The following PMFBP1 variants were observed in gnomAD, a reference collection of about 807,000 sequenced individuals.
The protein encoded by PMFBP1 is polyamine modulated factor 1 binding protein 1.
Under a neutral mutation model 137.8 loss-of-function variants are expected in PMFBP1, and 131 were observed. The observed-to-expected ratio is 0.95, with a 90% confidence interval of 0.82 to 1.10. The LOEUF (loss-of-function observed/expected upper bound fraction) is 1.10. Among genes scored for constraint, PMFBP1 ranks in the 50% least tolerant of loss-of-function variants. PMFBP1 has a pLI of 0.00. For synonymous variants in PMFBP1, 490 were observed against 450.4 expected, an observed-to-expected ratio of 1.09 and a Z score of -1.11; for missense variants, 1,199 against 1,175.4, an observed-to-expected ratio of 1.02 and a Z score of -0.29.
the PMFBP1 span, among the ~76,000 whole-genome samples, chr16:72,204,853 G>A: frequency 6.6e-6 from 1 of 152,182 alleles, no homozygotes. Context: ...CCCTAGCCAC[G>A]GGTGACTATT....
At chr16:72,139,527 T>C in intron 6 of PMFBP1, 128 bp from the exon 7 acceptor site, 1 of 749,916 alleles carries the variant, frequency 1.3e-6, no homozygotes, top group Non-Finnish European at 2.3e-6. Flanking sequence ...CATCAGGCAT[T>C]CCCTGTGGGG....
chr16:72,208,713 A>G, the PMFBP1 span, among the ~76,000 whole-genome samples: 1 of 152,236 alleles, frequency 6.6e-6, no homozygotes, highest in African/African-American at 2.4e-5. Flanking sequence ...ACATTGGTGC[A>G]GAAGAATGGA....
At chr16:72,164,568 C>T (rs1011797696) in intron 3 of PMFBP1, 196 bp downstream of exon 3, 2 of 1,282,430 alleles carry the variant, frequency 1.6e-6, no homozygotes, top group Admixed American at 4.0e-5. Flanking sequence ...ATGGAAAAGT[C>T]CTGAAGGCAG....
chr16:72,140,068 T>C (rs907072373), intron 6 of PMFBP1, among the ~76,000 whole-genome samples: 10 of 152,236 alleles, frequency 6.6e-5, no homozygotes, highest in African/African-American at 1.9e-4. Flanking sequence ...GCGCCTTCCA[T>C]GCAGCTCTTA....
chr16:72,125,509 G>A lies in PMFBP1; in HGVS notation c.2254-104C>T. ...CCAGTCCCTTCCTGTCCTCTGCCCA[G>A]GGTGACACGGACGGTCACCTTGCCT... On this transcript the variant is annotated intron_variant, in intron 15 of 20. Coordinates refer to ENST00000237353, the MANE Select transcript of PMFBP1 (RefSeq NM_031293.3). 3 of 1,306,526 alleles carry A rather than the reference G, an allele frequency of 2.3e-6. No homozygotes were observed. The South Asian group carries it at 4.4e-5, about 19-fold the overall frequency. 80.9% of individuals were successfully genotyped at this position (1,306,526 alleles called of 1,614,324 possible).
At chr16:72,249,116 G>C in the PMFBP1 span, among the ~76,000 whole-genome samples, 1 of 151,706 alleles carries the variant, frequency 6.6e-6, no homozygotes, top group Non-Finnish European at 1.5e-5. Context: ...AAGTTTCATC[G>C]ATGTTCTTTC....
rs377491488 is a variant in PMFBP1 at position 72,123,025 on chromosome 16, G to A, written c.2694-37C>T. The A allele has an allele frequency of 7.6e-6, 12 of 1,581,618 alleles. No homozygotes were observed. In the African/African-American group the frequency reaches 9.4e-5, roughly 12 times the overall value. On this transcript the variant is annotated intron_variant, in intron 18 of 20. Coordinates refer to ENST00000237353, the MANE Select transcript of PMFBP1 (RefSeq NM_031293.3). Reference sequence around the variant, plus strand: ...TCACAGGAGAAAACAGCAGCCAGTCGCCAGCCTCCCGCGAGCAAGGGTGCA... The same window carrying A: ...TCACAGGAGAAAACAGCAGCCAGTCACCAGCCTCCCGCGAGCAAGGGTGCA...
the PMFBP1 span, among the ~76,000 whole-genome samples, chr16:72,223,608 A>G: frequency 2.0e-5 from 3 of 152,138 alleles, no homozygotes; most frequent in Non-Finnish European, 4.4e-5. Flanking sequence ...GCATGAGAAT[A>G]AAAGACTTCC....
intron 5 of PMFBP1, among the ~76,000 whole-genome samples, chr16:72,150,371 C>T (rs190042613): frequency 1.4e-4 from 21 of 152,138 alleles, no homozygotes; most frequent in African/African-American, 4.8e-4. Flanking sequence ...TCTCTTTTGG[C>T]GTTATTTGAA....
chr16:72,177,312 A>G (rs1382296511), upstream of PMFBP1, among the ~76,000 whole-genome samples: 1 of 152,214 alleles, frequency 6.6e-6, no homozygotes, highest in Non-Finnish European at 1.5e-5. Context: ...CAGCTACTAT[A>G]TGCCAGGCAG....
chr16:72,201,830 A>G, the PMFBP1 span, among the ~76,000 whole-genome samples: 3 of 152,192 alleles, frequency 2.0e-5, no homozygotes, highest in African/African-American at 7.2e-5. Context: ...GATATAAATG[A>G]AAAGATCAGA....
chr16:72,235,899 C>T, the PMFBP1 span, among the ~76,000 whole-genome samples: 3 of 152,044 alleles, frequency 2.0e-5, no homozygotes, highest in African/African-American at 7.2e-5. Context: ...ATATGGATTG[C>T]TTAAGATTTT....
chr16:72,171,314 T>C (rs2043217781), intron 1 of PMFBP1, 46 bp from the exon 2 acceptor site: 4 of 1,308,942 alleles, frequency 3.1e-6, no homozygotes, highest in Non-Finnish European at 4.3e-6. Flanking sequence ...TAAATGAGCC[T>C]CTGCCCTTTA....
chr16:72,157,894 T>C (rs1227747827), intron 3 of PMFBP1, among the ~76,000 whole-genome samples: 1 of 152,144 alleles, frequency 6.6e-6, no homozygotes, highest in East Asian at 1.9e-4. Context: ...ACATAGGATT[T>C]GCTGCTGGGT....
the PMFBP1 span, among the ~76,000 whole-genome samples, chr16:72,195,985 G>A: frequency 6.1e-3 from 16 of 2,616 alleles, no homozygotes; most frequent in East Asian, 0.073. Context: ...TACAGAATGT[G>A]TGTGTGTGTG....
At chr16:72,227,850 G>A in the PMFBP1 span, among the ~76,000 whole-genome samples, 2 of 152,122 alleles carry the variant, frequency 1.3e-5, no homozygotes, top group Non-Finnish European at 1.5e-5. Flanking sequence ...ACTTAGCATT[G>A]TGCCCCCACA....
intron 3 of PMFBP1, among the ~76,000 whole-genome samples, chr16:72,159,375 T>C (rs1257252686): frequency 2.0e-5 from 3 of 152,222 alleles, no homozygotes; most frequent in Admixed American, 2.0e-4. Context: ...TGCTTTATCT[T>C]CCCCAGAGGT....
chr16:72,119,757 C>T, intron 20 of PMFBP1, 94 bp downstream of exon 20: 2 of 1,545,562 alleles, frequency 1.3e-6, no homozygotes, highest in Non-Finnish European at 1.7e-6. Context: ...CTTGAGGCCA[C>T]AAAAGGCCTA....
Position 72,164,813 on chromosome 16 carries a change from G to A in PMFBP1, c.116C>T (p.Thr39Ile). The change falls in exon 3 of 21, where the codon ACC (threonine) becomes ATC (isoleucine). Residue 39 changes from threonine to isoleucine, a missense_variant. Physicochemically the swap from Thr to Ile is moderately conservative, Grantham distance 89 (BLOSUM62 -1). Transcript: ENST00000237353. The part of the protein sequence containing the change: ...LHDVCKRQRK[T>I]LQDNQLCMEE... Reference sequence around the variant, plus strand: ...CATGCAGAGCTGATTGTCCTGCAAGGTCTTCCTCTGTCTCTTGCAGACATC... The same window carrying A: ...CATGCAGAGCTGATTGTCCTGCAAGATCTTCCTCTGTCTCTTGCAGACATC... 1 of 1,608,508 alleles carries A rather than the reference G, an allele frequency of 6.2e-7. No homozygotes were observed. Among genetic ancestry groups the A allele is most frequent in the African/African-American group, 1.3e-5 (1 of 74,960 alleles).
Sources: allele counts gnomAD v4.1 joint callset (sites outside exome capture counted in the v4.1 genomes callset), GRCh38; gene constraint gnomAD v4.1.1; transcripts MANE v1.5; gene names NCBI Gene and HGNC (gene_info 2026-07-23, HGNC 2026-07-21).